The following ZBTB20 variants were observed in gnomAD, a reference collection of about 807,000 sequenced individuals.
ZBTB20 encodes zinc finger and BTB domain containing 20, also known as zinc finger and BTB domain-containing protein 20.
A neutral mutation model predicts 56.9 loss-of-function variants in ZBTB20; 9 were observed. The ratio of observed to expected loss-of-function variants is 0.16; its 90% CI spans 0.10 to 0.28. The LOEUF (loss-of-function observed/expected upper bound fraction) is 0.28. Among genes scored for constraint, ZBTB20 ranks in the 10% least tolerant of loss-of-function variants. The pLI is 1.00. For synonymous variants in ZBTB20, 417 were observed against 420.7 expected, an observed-to-expected ratio of 0.99 and a Z score of 0.11; for missense variants, 655 against 1,003.0, an observed-to-expected ratio of 0.65 and a Z score of 4.69.
Position 114,846,551 on chromosome 3 carries a change from G to A in ZBTB20, c.-416-45377C>T, listed in dbSNP as rs189127347. On this transcript the variant is annotated intron_variant, in intron 4 of 11. Transcript: ENST00000675478. ...ACAGGCAAAATTGCTTGGATGAAGG[G>A]TAATCAATCTGAGCCTAGTTCTTTT... Among the ~76,000 whole-genome samples, 10 of 152,306 alleles carry A rather than the reference G, an allele frequency of 6.6e-5. No individual in the cohort carries two copies. The East Asian group carries it at 1.9e-3, about 29-fold the overall frequency.
intron 6 of ZBTB20, among the ~76,000 whole-genome samples, chr3:114,525,891 C>A (rs1407511941): frequency 6.6e-6 from 1 of 152,154 alleles, no homozygotes; most frequent in African/African-American, 2.4e-5. Flanking sequence ...CAGAACCAAC[C>A]CCTATGTCCA....
chr3:114,536,749 GCTA>G (rs1483708186), intron 6 of ZBTB20, among the ~76,000 whole-genome samples: 1 of 152,126 alleles, frequency 6.6e-6, no homozygotes, highest in African/African-American at 2.4e-5. Flanking sequence ...ATGCTAGAAG[GCTA>G]CTGTTACCAA....
intron 7 of ZBTB20, among the ~76,000 whole-genome samples, chr3:114,403,515 G>A (rs2087007484): frequency 6.6e-6 from 1 of 151,792 alleles, no homozygotes; most frequent in South Asian, 2.1e-4. Flanking sequence ...ACAAATATCT[G>A]GAACTCTAGA....
chr3:114,631,111 C>T (rs992747439), intron 6 of ZBTB20, among the ~76,000 whole-genome samples: 1 of 151,990 alleles, frequency 6.6e-6, no homozygotes, highest in Non-Finnish European at 1.5e-5. Context: ...ATTTTAATTA[C>T]ATGTTTATAA....
At chr3:114,962,887 T>C (rs2077506995) in intron 3 of ZBTB20, among the ~76,000 whole-genome samples, 1 of 152,108 alleles carries the variant, frequency 6.6e-6, no homozygotes, top group Non-Finnish European at 1.5e-5. Context: ...AAGCTATGCA[T>C]GAAAAATAGT....
chr3:114,506,790 C>T (rs966508546), intron 6 of ZBTB20, among the ~76,000 whole-genome samples: 2 of 152,188 alleles, frequency 1.3e-5, no homozygotes, highest in East Asian at 1.9e-4. Context: ...CTTTCACAAT[C>T]TGGCCCCGGC....
chr3:114,829,982 T>C (rs1294724068), intron 4 of ZBTB20, among the ~76,000 whole-genome samples: 1 of 151,912 alleles, frequency 6.6e-6, no homozygotes. Flanking sequence ...CTATGTGCAA[T>C]GATCCTCGAT....
chr3:114,729,487 G>A (rs2065562270), intron 5 of ZBTB20, among the ~76,000 whole-genome samples: 1 of 152,008 alleles, frequency 6.6e-6, no homozygotes, highest in African/African-American at 2.4e-5. Context: ...TCTTAAATTT[G>A]TTTTTAAGAT....
At chr3:114,722,930 A>G (rs559527336) in intron 5 of ZBTB20, among the ~76,000 whole-genome samples, 2 of 152,304 alleles carry the variant, frequency 1.3e-5, no homozygotes, top group Non-Finnish European at 2.9e-5. Flanking sequence ...GATGAAGTGA[A>G]TTTCACTCAG....
intron 6 of ZBTB20, among the ~76,000 whole-genome samples, chr3:114,505,406 A>C (rs1461382863): frequency 1.3e-5 from 2 of 152,174 alleles, no homozygotes; most frequent in African/African-American, 4.8e-5. Context: ...ATTCATCACA[A>C]ATGAGTCAGA....
chr3:115,016,179 A>G (rs533488368), intron 2 of ZBTB20, among the ~76,000 whole-genome samples: 1 of 151,910 alleles, frequency 6.6e-6, no homozygotes, highest in Non-Finnish European at 1.5e-5. Flanking sequence ...TTTTTCTTGT[A>G]AATTTGTTTA....
chr3:114,915,567 T>G (rs992651590), intron 3 of ZBTB20, among the ~76,000 whole-genome samples: 2 of 152,016 alleles, frequency 1.3e-5, no homozygotes, highest in African/African-American at 4.8e-5. Context: ...ATTATTTTCT[T>G]CATTTCAACT....
chr3:114,557,120 G>C (rs751774906), intron 6 of ZBTB20, among the ~76,000 whole-genome samples: 11 of 152,024 alleles, frequency 7.2e-5, no homozygotes, highest in Non-Finnish European at 1.5e-4. Flanking sequence ...TTAACAACCA[G>C]TTTTATTAGG....
intron 6 of ZBTB20, among the ~76,000 whole-genome samples, chr3:114,558,701 T>C (rs768000185): frequency 3.3e-5 from 5 of 152,126 alleles, no homozygotes; most frequent in Admixed American, 1.3e-4. Context: ...CAATGTGACA[T>C]TAGATTCTAC....
intron 5 of ZBTB20, among the ~76,000 whole-genome samples, chr3:114,780,948 CT>C (rs1196973719): frequency 1.3e-5 from 2 of 152,186 alleles, no homozygotes; most frequent in Admixed American, 6.5e-5. Context: ...TTACCTCTCA[CT>C]TCCCCAGAAT....
intron 6 of ZBTB20, among the ~76,000 whole-genome samples, chr3:114,590,889 G>A (rs1387343902): frequency 5.3e-5 from 8 of 152,164 alleles, no homozygotes; most frequent in Non-Finnish European, 1.0e-4. Flanking sequence ...GCTTCATAGA[G>A]GATAATCTCA....
At chr3:115,020,951 G>C (rs551167603) in intron 2 of ZBTB20, among the ~76,000 whole-genome samples, 2 of 150,998 alleles carry the variant, frequency 1.3e-5, no homozygotes, top group African/African-American at 4.8e-5. Context: ...TTGTACGATC[G>C]AATGTCCTAC....
At chr3:114,848,180 A>G (rs1328525681) in intron 4 of ZBTB20, among the ~76,000 whole-genome samples, 1 of 152,170 alleles carries the variant, frequency 6.6e-6, no homozygotes, top group African/African-American at 2.4e-5. Flanking sequence ...ATAATAAACT[A>G]AGCAGATTAG....
intron 8 of ZBTB20, among the ~76,000 whole-genome samples, chr3:114,382,564 T>C (rs763444120): frequency 4.6e-5 from 7 of 152,210 alleles, no homozygotes; most frequent in South Asian, 2.1e-4. Context: ...TTCATACTTA[T>C]TAAATGGTGT....
Sources: allele counts gnomAD v4.1 joint callset (sites outside exome capture counted in the v4.1 genomes callset), GRCh38; gene constraint gnomAD v4.1.1; transcripts MANE v1.5; gene names NCBI Gene and HGNC (gene_info 2026-07-23, HGNC 2026-07-21).